Variants in HSD17B2 observed in about 807,000 individuals in gnomAD.
The protein encoded by HSD17B2 is 17-beta-hydroxysteroid dehydrogenase type 2.
In HSD17B2, 32 loss-of-function variants were observed where a neutral mutation model predicts 26.9. That is an observed-to-expected ratio of 1.19 (90% CI 0.90 to 1.60). The LOEUF (loss-of-function observed/expected upper bound fraction) is 1.60, where lower values mean the gene tolerates loss of function less well. Among genes scored for constraint, HSD17B2 ranks in the 40% most tolerant of loss-of-function variants. The pLI is 0.00. For missense variants in HSD17B2, 613 were observed against 468.6 expected (o/e 1.31, Z -2.85); for synonymous variants, 246 against 186.7 (o/e 1.32, Z -2.59).
At chr16:82,089,050 G>T (rs1193932765) in intron 3 of HSD17B2, among the ~76,000 whole-genome samples, 1 of 152,076 alleles carries the variant, frequency 6.6e-6, no homozygotes, top group East Asian at 1.9e-4. Context: ...ACCTTCCAAA[G>T]GCCCCATCTC....
At chr16:82,084,806 C>A (rs1345768075) in intron 3 of HSD17B2, among the ~76,000 whole-genome samples, 1 of 152,210 alleles carries the variant, frequency 6.6e-6, no homozygotes, top group Non-Finnish European at 1.5e-5. Context: ...GATAGTAGCT[C>A]TCTATAACCT....
intron 4 of HSD17B2, chr16:82,096,750 G>A (rs1358783775): frequency 6.6e-6 from 1 of 152,088 alleles, no homozygotes; most frequent in Non-Finnish European, 1.5e-5. Context: ...ACAGTATAGT[G>A]GATAAATAAT....
At chr16:82,077,638 G>T (rs546158893) in intron 3 of HSD17B2, among the ~76,000 whole-genome samples, 1 of 152,120 alleles carries the variant, frequency 6.6e-6, no homozygotes, top group Non-Finnish European at 1.5e-5. Flanking sequence ...GCTGAAGTGG[G>T]TGGATCACTT....
intron 4 of HSD17B2, chr16:82,097,218 CTATGTCTATGTCTAT>C (rs1904866776): frequency 5.4e-5 from 1 of 18,618 alleles, no homozygotes; most frequent in Non-Finnish European, 1.1e-4. Flanking sequence ...ATGTCTATGT[CTATGTCTATGTCTAT>C]GTCTATGTCT....
intron 1 of HSD17B2, among the ~76,000 whole-genome samples, chr16:82,050,352 A>G (rs922500997): frequency 6.6e-6 from 1 of 150,608 alleles, no homozygotes; most frequent in East Asian, 2.0e-4. Context: ...CCCATATACA[A>G]TTCGTTCTCG....
In HSD17B2 at chr16:82,041,558, C is replaced by T. The variant is rs139354034; in HGVS notation, c.265+5869C>T. Among the ~76,000 whole-genome samples, 765 of 152,312 alleles carry T rather than the reference C, an allele frequency of 5.0e-3. 7 individuals carry two copies. Among genetic ancestry groups the T allele is most frequent in the African/African-American group, 0.017 (715 of 41,562 alleles). On this transcript the variant is annotated intron_variant, in intron 1 of 4. Transcript: ENST00000199936. ...AAATAGAACATCCACTGGCTTCCAC[C>T]AGTCTGCTGAAACTGCTCTCTAAGT... is the stretch of plus-strand genomic sequence containing the variant.
At chr16:82,040,961 A>C (rs147077231) in intron 1 of HSD17B2, among the ~76,000 whole-genome samples, 10 of 152,276 alleles carry the variant, frequency 6.6e-5, no homozygotes, top group African/African-American at 2.4e-4. Context: ...CTACCAGATG[A>C]TTTTTACATG....
chr16:82,094,489 C>T (rs1364286), intron 4 of HSD17B2: 86,155 of 151,924 alleles, frequency 0.57, 24,709 homozygotes, highest in Middle Eastern at 0.69. Flanking sequence ...CCACGTACAC[C>T]GTGATGGTGG....
chr16:82,090,172 A>G, intron 3 of HSD17B2: 3 of 953,610 alleles, frequency 3.1e-6, no homozygotes, highest in Non-Finnish European at 3.7e-6. Flanking sequence ...CAGGTGCTGT[A>G]GTGGGTTGAA....
chr16:82,054,938 T>A (rs1914220833), intron 1 of HSD17B2, among the ~76,000 whole-genome samples: 1 of 152,238 alleles, frequency 6.6e-6, no homozygotes, highest in Non-Finnish European at 1.5e-5. Flanking sequence ...AAAGCAGAGT[T>A]TCTCAACCTC....
Position 82,067,693 on chromosome 16 carries a change from C to T in HSD17B2, c.266-477C>T, listed in dbSNP as rs544380803. Among the ~76,000 whole-genome samples the T allele has an allele frequency of 2.0e-5, 3 of 152,312 alleles. No homozygotes were observed. The South Asian group carries it at 6.2e-4, about 32-fold the overall frequency. On this transcript the variant is annotated intron_variant, in intron 1 of 4. Transcript: ENST00000199936. ...TTTTTATAATCCAGCATGAACTGGC[C>T]CCCATGGGCAGCCTCTGTTATTGCC...
chr16:82,070,874 A>G, intron 2 of HSD17B2, 68 bp from the exon 3 acceptor site: 1 of 1,426,534 alleles, frequency 7.0e-7, no homozygotes, highest in Non-Finnish European at 9.7e-7. Flanking sequence ...ATGGTCTTCC[A>G]GGTATTGCAG....
chr16:82,091,137 G>C lies in HSD17B2; in HGVS notation c.802+98G>C, dbSNP rs974025595. 6 of 1,185,622 alleles carry C rather than the reference G, an allele frequency of 5.1e-6. No homozygotes were observed. In the African/African-American group the frequency reaches 9.0e-5, roughly 18 times the overall value. 73.4% of individuals were successfully genotyped at this position (1,185,622 alleles called of 1,614,324 possible). A position where few individuals can be genotyped will look rare whatever the true frequency, so the allele number is the denominator to read the frequency against. ...AGCACACATTGAACCCCTCATTGTT[G>C]TCAAAGATGAGCACAGCCAGAGATC... On this transcript the variant is annotated intron_variant, in intron 4 of 4. Coordinates refer to ENST00000199936, the MANE Select transcript of HSD17B2 (RefSeq NM_002153.3).
Position 82,071,075 on chromosome 16 carries a change from G to A in HSD17B2, c.612G>A (p.Leu204=), listed in dbSNP as rs199780292. The change falls in exon 3 of 5, where the codon TTG becomes TTA. Residue 204 remains leucine, a synonymous_variant. Coordinates refer to ENST00000199936, the MANE Select transcript of HSD17B2 (RefSeq NM_002153.3). The part of the protein sequence containing the change: ...FGTVEVTKTF[L]PLLRKSKGRL... ...CTGTGGAGGTCACAAAGACGTTTTT[G>A]CCTCTTCTTAGAAAATCCAAAGGGA... is the stretch of plus-strand genomic sequence containing the variant. 1 of 1,614,158 alleles carries A rather than the reference G, an allele frequency of 6.2e-7. No individual in the cohort carries two copies.
chr16:82,090,808 A>G (rs1197356823), intron 3 of HSD17B2, 94 bp from the exon 4 acceptor site: 5 of 1,216,328 alleles, frequency 4.1e-6, no homozygotes, highest in Non-Finnish European at 5.7e-6. Context: ...CACTGATACC[A>G]GTTCCTACAT....
chr16:82,093,106 C>G (rs534655278), intron 4 of HSD17B2: 1 of 152,126 alleles, frequency 6.6e-6, no homozygotes, highest in East Asian at 1.9e-4. Context: ...CAGAAAAAAG[C>G]ATTATACGCA....
At chr16:82,081,467 G>A (rs1904378439) in intron 3 of HSD17B2, among the ~76,000 whole-genome samples, 1 of 152,072 alleles carries the variant, frequency 6.6e-6, no homozygotes, top group South Asian at 2.1e-4. Flanking sequence ...TGGGCTGGCA[G>A]CCAGGAGGGT....
chr16:82,081,254 T>C (rs1029726664), intron 3 of HSD17B2, among the ~76,000 whole-genome samples: 11 of 151,298 alleles, frequency 7.3e-5, no homozygotes, highest in Non-Finnish European at 1.5e-4. Context: ...TCTCTGAAAC[T>C]CTCAGAAGCA....
chr16:82,073,938 C>G (rs1310339596), intron 3 of HSD17B2, among the ~76,000 whole-genome samples: 1 of 152,184 alleles, frequency 6.6e-6, no homozygotes, highest in African/African-American at 2.4e-5. Flanking sequence ...ATCACACTAC[C>G]TGAATTCAAA....
Sources: gnomAD v4.1 joint callset for allele counts (sites outside exome capture counted in the v4.1 genomes callset) on GRCh38, gnomAD v4.1.1 for gene constraint, MANE v1.5 for transcripts, NCBI Gene and HGNC (gene_info 2026-07-23, HGNC 2026-07-21) for gene names.